CASK: variants seen among roughly 807,000 people sequenced by gnomAD.
CASK encodes the protein calcium/calmodulin dependent serine protein kinase.
Under a neutral mutation model 82.9 loss-of-function variants are expected in CASK, and 4 were observed. The ratio of observed to expected loss-of-function variants is 0.05; its 90% CI spans 0.02 to 0.11. The LOEUF (loss-of-function observed/expected upper bound fraction) is 0.11. CASK is among the 10% of genes least tolerant of loss of function. CASK has a pLI of 1.00. For missense variants in CASK, 358 were observed against 720.9 expected (o/e 0.50, Z 5.76); for synonymous variants, 259 against 253.5 (o/e 1.02, Z -0.20).
chrX:41,917,976 A>T (rs1402686232), intron 1 of CASK, among the ~76,000 whole-genome samples: 1 of 111,836 alleles, frequency 8.9e-6, no homozygotes, highest in East Asian at 2.8e-4. Flanking sequence ...CCAACAATTT[A>T]GCTGCTGATC....
intron 1 of CASK, among the ~76,000 whole-genome samples, chrX:41,910,348 A>C (rs184842713): frequency 3.4e-4 from 38 of 112,160 alleles, no homozygotes; most frequent in Non-Finnish European, 6.8e-4. Flanking sequence ...AGCCATTACT[A>C]TCCTTCTTTT....
At chrX:41,768,667 T>C (rs2069158187) in intron 3 of CASK, among the ~76,000 whole-genome samples, 1 of 111,890 alleles carries the variant, frequency 8.9e-6, no homozygotes, top group Non-Finnish European at 1.9e-5. Context: ...TAAATATCTT[T>C]AGCAAATAAA....
chrX:41,909,756 C>T (rs1002207224), intron 1 of CASK, among the ~76,000 whole-genome samples: 3 of 111,469 alleles, frequency 2.7e-5, no homozygotes, highest in African/African-American at 9.8e-5. Flanking sequence ...AGGCACACGC[C>T]ACCATGGCCG....
chrX:41,539,594 C>A (rs184091955), intron 22 of CASK, among the ~76,000 whole-genome samples: 23 of 112,412 alleles, frequency 2.0e-4, no homozygotes, highest in African/African-American at 6.4e-4. Context: ...CTCAAAGCAA[C>A]TGCCTCACCA....
At chrX:41,700,985 C>A (rs2067783865) in intron 5 of CASK, among the ~76,000 whole-genome samples, 1 of 93,500 alleles carries the variant, frequency 1.1e-5, no homozygotes, top group Admixed American at 1.2e-4. Flanking sequence ...GTGCTGGAAT[C>A]TTGCAAAGGT....
At chrX:41,795,305 T>C (rs969393708) in intron 2 of CASK, among the ~76,000 whole-genome samples, 3 of 112,474 alleles carry the variant, frequency 2.7e-5, no homozygotes, top group Non-Finnish European at 3.8e-5. Flanking sequence ...CCTTGATTTT[T>C]CCCTGAATAG....
chrX:41,559,826 T>C lies in CASK; in HGVS notation c.1690A>G (p.Thr564Ala), dbSNP rs750206706. 4.1e-6 allele frequency: 5 copies of C among 1,208,059 alleles called. No individual in the cohort carries two copies. Residue 564 changes from threonine to alanine, a missense_variant, in exon 18 of 27, where the codon ACC (threonine) becomes GCC (alanine). Thr to Ala is a moderately conservative substitution (Grantham distance 58). This residue lies in a region of CASK where 110 missense variants were observed against 218.8 expected (regional missense o/e 0.50). Coordinates refer to ENST00000378163, the MANE Select transcript of CASK (RefSeq NM_001367721.1). ...KMLREMRGSITFKIVPSYRTQ... is the reference protein window; with the variant it reads ...KMLREMRGSIAFKIVPSYRTQ... ...CGGTAACTTGGCACAATCTTGAAGG[T>C]AATACTCCCCCGCATTTCCCTCTGG...
intron 5 of CASK, chrX:41,724,192 A>G (rs2068214821): frequency 8.9e-6 from 1 of 112,633 alleles, no homozygotes; most frequent in Admixed American, 9.4e-5. Flanking sequence ...CACTGACTAA[A>G]GATATTGGAA....
At chrX:41,763,699 T>G (rs1334242814) in intron 3 of CASK, among the ~76,000 whole-genome samples, 1 of 111,090 alleles carries the variant, frequency 9.0e-6, no homozygotes, top group African/African-American at 3.3e-5. Flanking sequence ...ATCTTTATAA[T>G]ATATTTACTA....
At chrX:41,612,547 C>T (rs1292987124) in intron 11 of CASK, among the ~76,000 whole-genome samples, 11 of 105,726 alleles carry the variant, frequency 1.0e-4, no homozygotes, top group East Asian at 3.2e-4. Context: ...GCCCCCCGCC[C>T]GGCCAGCCGC....
At chrX:41,813,277 T>C (rs928598211) in intron 2 of CASK, among the ~76,000 whole-genome samples, 3 of 111,699 alleles carry the variant, frequency 2.7e-5, no homozygotes, top group Non-Finnish European at 5.6e-5. Flanking sequence ...AGAGCCCGTA[T>C]TGCCAAGTCA....
At position 41,796,368 on chromosome X, in the gene CASK, A is replaced by G. The variant is rs532837488; in HGVS notation, c.173-9085T>C. Among the ~76,000 whole-genome samples the G allele has an allele frequency of 8.9e-5, 10 of 112,571 alleles. 1 individual carries two copies. In the South Asian group the frequency reaches 3.7e-3, roughly 42 times the overall value. On this transcript the variant is annotated intron_variant, in intron 2 of 26. Transcript: ENST00000378163. ...AGTTTTGTTTTCTTTTCCTTTCATC[A>G]TTTTTGGTGGAAATCATTCTATGTT...
chrX:41,649,025 T>C (rs954921135), intron 8 of CASK, among the ~76,000 whole-genome samples: 6 of 111,907 alleles, frequency 5.4e-5, no homozygotes, highest in Non-Finnish European at 7.5e-5. Flanking sequence ...CTTCTAGATT[T>C]TCTAGTTTAT....
intron 11 of CASK, among the ~76,000 whole-genome samples, chrX:41,618,866 G>A (rs1173482931): frequency 2.1e-5 from 2 of 94,524 alleles, no homozygotes; most frequent in African/African-American, 4.0e-5. Context: ...TCACTCTGTC[G>A]CCCAGGCTGG....
intron 1 of CASK, among the ~76,000 whole-genome samples, chrX:41,902,639 C>A (rs180878827): frequency 7.1e-5 from 8 of 111,995 alleles, no homozygotes; most frequent in African/African-American, 2.6e-4. Context: ...CTTTGGTGGG[C>A]CATGATTTAG....
At chrX:41,585,010 T>C (rs1311860321) in intron 14 of CASK, 3 of 112,364 alleles carry the variant, frequency 2.7e-5, no homozygotes, top group East Asian at 5.6e-4. Flanking sequence ...GGCTGGGATA[T>C]GGAAGGACAA....
In CASK at chrX:41,612,502, G is replaced by A. The variant is rs1303350873; in HGVS notation, c.1034-2477C>T. On this transcript the variant is annotated intron_variant, in intron 11 of 26. Transcript: ENST00000378163. ...TGGGAAGTGAGGAGCGTCTCCGCCC[G>A]GCAGCCACCCCGTCCGGGAAGGAGG... Among the ~76,000 whole-genome samples the A allele has an allele frequency of 8.5e-5, 9 of 105,817 alleles. No homozygotes were observed. In the East Asian group the frequency reaches 1.6e-3, roughly 19 times the overall value. The allele number at this position is 105,817 out of a possible 115,157, so 91.9% of individuals were successfully genotyped here.
chrX:41,885,433 A>G (rs904470377), intron 1 of CASK, among the ~76,000 whole-genome samples: 5 of 112,159 alleles, frequency 4.5e-5, no homozygotes, highest in Non-Finnish European at 9.4e-5. Context: ...CTAATTCTAC[A>G]ACTTTGGGCA....
At chrX:41,830,829 A>AAC (rs1418602503) in intron 2 of CASK, among the ~76,000 whole-genome samples, 2 of 109,144 alleles carry the variant, frequency 1.8e-5, no homozygotes, top group Non-Finnish European at 3.8e-5. Flanking sequence ...AAAAAAAAAA[A>AAC]AAAAAAACAA....
Sources: allele counts gnomAD v4.1 joint callset (sites outside exome capture counted in the v4.1 genomes callset), GRCh38; gene constraint gnomAD v4.1.1; regional missense constraint gnomAD v4.1.1; transcripts MANE v1.5; gene names NCBI Gene and HGNC (gene_info 2026-07-23, HGNC 2026-07-21).